The following TSC22D1 variants were observed in gnomAD, a reference collection of about 807,000 sequenced individuals.
TSC22D1 encodes the protein TSC22 domain family member 1, also known as TSC22 domain family protein 1.
TSC22D1 carries 9 observed loss-of-function variants against 74.2 expected under a neutral mutation model. The ratio of observed to expected loss-of-function variants is 0.12; its 90% CI spans 0.07 to 0.21. The LOEUF is 0.21. Among genes scored for constraint, TSC22D1 ranks in the 10% least tolerant of loss-of-function variants. The pLI is 1.00. For synonymous variants in TSC22D1, 586 were observed against 492.5 expected, an observed-to-expected ratio of 1.19 and a Z score of -2.51; for missense variants, 1,427 against 1,304.7, an observed-to-expected ratio of 1.09 and a Z score of -1.44.
intron 1 of TSC22D1, among the ~76,000 whole-genome samples, chr13:44,521,043 T>C (rs1230616457): frequency 6.6e-6 from 1 of 152,072 alleles, no homozygotes; most frequent in Non-Finnish European, 1.5e-5. Context: ...CCAAGGTGAG[T>C]GGCAGTGCTG....
At chr13:44,517,857 A>ATATATATATATAT (rs10627677) in intron 1 of TSC22D1, among the ~76,000 whole-genome samples, 5 of 16,176 alleles carry the variant, frequency 3.1e-4, no homozygotes, top group Non-Finnish European at 7.0e-4. Context: ...ATATATATAT[A>ATATATATATATAT]TTTTTTTTTT....
At position 44,571,707 on chromosome 13, in the gene TSC22D1, A is replaced by G. The variant is rs141461231; in HGVS notation, c.2912+1456T>C. ...AGCATGATAAAATTAAAGGTTTAAC[A>G]ATAATAATGGAACAATTAAGGAAAC... On this transcript the variant is annotated intron_variant, in intron 1 of 2. Transcript: ENST00000458659. Among the ~76,000 whole-genome samples, 214 of 152,290 alleles carry G rather than the reference A, an allele frequency of 1.4e-3. 1 individual carries two copies. Among genetic ancestry groups the G allele is most frequent in the African/African-American group, 4.8e-3 (198 of 41,582 alleles).
intron 1 of TSC22D1, among the ~76,000 whole-genome samples, chr13:44,464,803 T>C (rs547870577): frequency 4.3e-4 from 66 of 152,364 alleles, no homozygotes; most frequent in African/African-American, 1.4e-3. Context: ...TTTCAGCTTA[T>C]GCCAGGTTAC....
chr13:44,541,204 C>T (rs1881448319), intron 1 of TSC22D1, among the ~76,000 whole-genome samples: 1 of 152,182 alleles, frequency 6.6e-6, no homozygotes. Flanking sequence ...GTTTCTAATG[C>T]CTTCACTTCC....
Position 44,434,706 on chromosome 13 carries a change from G to A in TSC22D1, c.3142C>T (p.Pro1048Ser), listed in dbSNP as rs747853303. The change falls in exon 3 of 3, where the codon CCC becomes TCC. Residue 1048 changes from proline (P) to serine (S), a missense_variant. Transcript: ENST00000458659. ...CCCTGTGGCTGGGTGGTGGCAGGGG[G>A]GGAGCCAGTCTGCAGCTGGGCCTGA... ...QFQAQLQTGS[P>S]PATTQPQGTT... 2.5e-6 allele frequency: 4 copies of A among 1,611,994 alleles called. No homozygotes were observed. Among genetic ancestry groups the A allele is most frequent in the Admixed American group, 3.3e-5 (2 of 59,870 alleles).
At chr13:44,489,066 A>G (rs1878581117) in intron 1 of TSC22D1, among the ~76,000 whole-genome samples, 1 of 152,212 alleles carries the variant, frequency 6.6e-6, no homozygotes, top group Non-Finnish European at 1.5e-5. Flanking sequence ...GATTGCAGAA[A>G]TGAAATTAAC....
intron 1 of TSC22D1, among the ~76,000 whole-genome samples, chr13:44,450,251 T>C (rs1469757391): frequency 1.3e-5 from 2 of 152,078 alleles, no homozygotes; most frequent in African/African-American, 4.8e-5. Flanking sequence ...CTCTCAGTAG[T>C]TGAGTGTGGC....
In TSC22D1 at chr13:44,433,842, C is replaced by A; in HGVS notation, c.*784G>T. ...TTTAGGTGTGGTTTTTGTCATGTAG[C>A]AGTTTTTATGTAGATCTATATATAA... On this transcript the variant is annotated 3_prime_UTR_variant, in exon 3 of 3. Transcript: ENST00000458659. The A allele has an allele frequency of 1.4e-6, 1 of 729,746 alleles. No homozygotes were observed. The allele number at this position is 729,746 out of a possible 1,614,324, so 45.2% of individuals were successfully genotyped here.
At chr13:44,511,010 A>G (rs762512045) in intron 1 of TSC22D1, among the ~76,000 whole-genome samples, 1 of 152,166 alleles carries the variant, frequency 6.6e-6, no homozygotes, top group Non-Finnish European at 1.5e-5. Flanking sequence ...TTTCAGGCCA[A>G]TGTGGTGGTT....
chr13:44,456,130 C>T (rs1004184522), intron 1 of TSC22D1, among the ~76,000 whole-genome samples: 5 of 152,180 alleles, frequency 3.3e-5, no homozygotes, highest in Admixed American at 2.0e-4. Flanking sequence ...AAGCCGTGGA[C>T]CCTCGCAGTG....
chr13:44,517,872 T>TTTTTTTTA (rs1880126387), intron 1 of TSC22D1, among the ~76,000 whole-genome samples: 1 of 111,132 alleles, frequency 9.0e-6, no homozygotes, highest in African/African-American at 3.3e-5. Context: ...TTTTTTTTTT[T>TTTTTTTTA]TTTTTTTAAC....
At chr13:44,521,978 C>T (rs1306689015) in intron 1 of TSC22D1, among the ~76,000 whole-genome samples, 1 of 152,118 alleles carries the variant, frequency 6.6e-6, no homozygotes, top group African/African-American at 2.4e-5. Flanking sequence ...ACAAGACAGA[C>T]GTGATCCCTG....
intron 1 of TSC22D1, among the ~76,000 whole-genome samples, chr13:44,509,824 G>T (rs568811523): frequency 6.6e-6 from 1 of 151,858 alleles, no homozygotes; most frequent in South Asian, 2.1e-4. Flanking sequence ...GTAAGAATAT[G>T]TAATGGTTCA....
At chr13:44,436,808 C>A (rs1874693578) in intron 1 of TSC22D1, 1 of 1,387,158 alleles carries the variant, frequency 7.2e-7, no homozygotes, top group South Asian at 1.9e-5. Flanking sequence ...ATCCCAGTGC[C>A]GTGAAGAGGC....
chr13:44,447,442 T>C (rs1566116311), intron 1 of TSC22D1, among the ~76,000 whole-genome samples: 1 of 152,216 alleles, frequency 6.6e-6, no homozygotes, highest in Non-Finnish European at 1.5e-5. Flanking sequence ...TAAAATGCAT[T>C]ACTAGGCTTG....
At position 44,438,085 on chromosome 13, in the gene TSC22D1, T is replaced by A. The variant is rs1397042421; in HGVS notation, c.2913-1990A>T. 3.9e-5 allele frequency among the ~76,000 whole-genome samples: 6 copies of A among 152,360 alleles called. No homozygotes were observed. The East Asian group carries it at 1.2e-3, about 29-fold the overall frequency. On this transcript the variant is annotated intron_variant, in intron 1 of 2. Transcript: ENST00000458659. ...GCTACAATTTAATATACTAGAAATC[T>A]AAGCCCTGAAGTTTGCTAAATTATA...
chr13:44,561,174 A>G (rs1261869112), intron 1 of TSC22D1, among the ~76,000 whole-genome samples: 1 of 152,168 alleles, frequency 6.6e-6, no homozygotes, highest in Non-Finnish European at 1.5e-5. Flanking sequence ...GAGTGTTACC[A>G]TATGTGGACT....
At chr13:44,488,245 A>G (rs576129299) in intron 1 of TSC22D1, among the ~76,000 whole-genome samples, 177 of 152,266 alleles carry the variant, frequency 1.2e-3, no homozygotes, top group Non-Finnish European at 2.1e-3. Flanking sequence ...CTAGCCATAC[A>G]CACACAGCTA....
chr13:44,456,598 A>G (rs181764211), intron 1 of TSC22D1, among the ~76,000 whole-genome samples: 4 of 152,314 alleles, frequency 2.6e-5, no homozygotes, highest in African/African-American at 9.6e-5. Flanking sequence ...AATGACTAAC[A>G]ATTCTCTAGT....
Sources: gnomAD v4.1 joint callset for allele counts (sites outside exome capture counted in the v4.1 genomes callset) on GRCh38, gnomAD v4.1.1 for gene constraint, MANE v1.5 for transcripts, NCBI Gene and HGNC (gene_info 2026-07-23, HGNC 2026-07-21) for gene names.